PLOD1: variants seen among roughly 807,000 people sequenced by gnomAD.
PLOD1 encodes lysine hydroxylase.
A neutral mutation model predicts 94.7 loss-of-function variants in PLOD1; 70 were observed. The ratio of observed to expected loss-of-function variants is 0.74; its 90% CI spans 0.61 to 0.90. The LOEUF (loss-of-function observed/expected upper bound fraction) is 0.90, where lower values mean the gene tolerates loss of function less well. Among genes scored for constraint, PLOD1 ranks in the 40% least tolerant of loss-of-function variants. PLOD1 has a pLI of 0.00. For missense variants in PLOD1, 905 were observed against 972.7 expected, an observed-to-expected ratio of 0.93 and a Z score of 0.93; for synonymous variants, 417 against 400.2, an observed-to-expected ratio of 1.04 and a Z score of -0.50.
Position 11,974,994 on chromosome 1 carries a change from T to C in PLOD1, c.*186T>C, listed in dbSNP as rs2100769171. The C allele has an allele frequency of 1.5e-6, 1 of 686,818 alleles. No individual in the cohort carries two copies. The highest frequency in any genetic ancestry group is 2.7e-5 in the East Asian group (1 of 36,940). 42.5% of individuals were successfully genotyped at this position (686,818 alleles called of 1,614,324 possible). A position where few individuals can be genotyped will look rare whatever the true frequency, so the allele number is the denominator to read the frequency against. The stretch of plus-strand genomic sequence containing the variant: ...GCAGGCCAGAGGCGGAACACACCTT[T>C]ATGGCTGGGGCTCTCCGTGGTGTTC... On this transcript the variant is annotated 3_prime_UTR_variant, in exon 19 of 19. Coordinates refer to ENST00000196061, the MANE Select transcript of PLOD1 (RefSeq NM_000302.4).
At chr1:11,964,359 C>A in intron 12 of PLOD1, 59 bp downstream of exon 12, 2 of 1,527,072 alleles carry the variant, frequency 1.3e-6, no homozygotes, top group Non-Finnish European at 1.8e-6. Flanking sequence ...TCTGCCTGGG[C>A]TTGTGGGGCT....
chr1:11,963,834 C>T lies in PLOD1; in HGVS notation c.1202+198C>T, dbSNP rs560674733. 3.1e-4 allele frequency among the ~76,000 whole-genome samples: 47 copies of T among 151,892 alleles called. No homozygotes were observed. Among genetic ancestry groups the T allele is most frequent in the African/African-American group, 1.1e-3 (47 of 41,432 alleles). On this transcript the variant is annotated intron_variant, in intron 11 of 18. Coordinates refer to ENST00000196061, the MANE Select transcript of PLOD1 (RefSeq NM_000302.4). The surrounding 1 kb of genome is among the most constrained non-coding windows in gnomAD (Gnocchi z 4.3). ...CCTCTTCCTCCTCTTCCTCCTTTTT[C>T]CTCCTCCTCCTCGTCTTCCTCATCC...
intron 1 of PLOD1, among the ~76,000 whole-genome samples, chr1:11,945,130 G>A (rs1274171609): frequency 1.3e-5 from 2 of 152,212 alleles, no homozygotes; most frequent in Admixed American, 6.5e-5. Flanking sequence ...TTAGAGAAAG[G>A]AGACACAGGC....
chr1:11,944,206 C>T (rs1645633758), intron 1 of PLOD1, among the ~76,000 whole-genome samples: 1 of 151,712 alleles, frequency 6.6e-6, no homozygotes, highest in Non-Finnish European at 1.5e-5. Context: ...GCACTCCAGC[C>T]TGGGTGACAG....
In PLOD1 at chr1:11,957,895, A is replaced by G; in HGVS notation, c.795A>G (p.Thr265=). Residue 265 remains threonine, a synonymous_variant, in exon 8 of 19, where the codon ACA becomes ACG. Transcript: ENST00000196061. The surrounding 1 kb of genome is among the most constrained non-coding windows in gnomAD (Gnocchi z 4.1). ...NYIPRFWTFE[T]GCTVCDEGLR... is the part of the protein sequence containing the mutation. ...TCCCGCGCTTCTGGACCTTCGAAAC[A>G]GGCTGCACCGTGTGTGACGAAGGCT... 6.2e-7 allele frequency: 1 copy of G among 1,614,052 alleles called. No homozygotes were observed. The highest frequency in any genetic ancestry group is 1.1e-5 in the South Asian group (1 of 91,088).
intron 1 of PLOD1, among the ~76,000 whole-genome samples, chr1:11,943,998 G>A (rs1645632267): frequency 6.6e-6 from 1 of 152,152 alleles, no homozygotes. Flanking sequence ...TTGGGAAGCT[G>A]AGGCAGGCAG....
intron 1 of PLOD1, among the ~76,000 whole-genome samples, chr1:11,945,745 G>A (rs1007173125): frequency 6.6e-6 from 1 of 152,030 alleles, no homozygotes; most frequent in Non-Finnish European, 1.5e-5. Flanking sequence ...GTCTTGCTCT[G>A]TCACCCAGGC....
At chr1:11,974,009 G>A (rs1305832080) in intron 18 of PLOD1, among the ~76,000 whole-genome samples, 1 of 152,146 alleles carries the variant, frequency 6.6e-6, no homozygotes, top group Non-Finnish European at 1.5e-5. Flanking sequence ...TAGTGGTGAG[G>A]TTGGGAAGCT....
At chr1:11,948,243 C>T (rs1204257461) in intron 2 of PLOD1, among the ~76,000 whole-genome samples, 176 bp downstream of exon 2, 1 of 152,118 alleles carries the variant, frequency 6.6e-6, no homozygotes, top group Admixed American at 6.6e-5. Context: ...CAGCAGAGGA[C>T]ACAGCATGAG....
intron 16 of PLOD1, among the ~76,000 whole-genome samples, chr1:11,968,525 T>C (rs1645838087): frequency 6.6e-6 from 1 of 151,766 alleles, no homozygotes; most frequent in South Asian, 2.1e-4. Context: ...TTTCTTTTTT[T>C]TTTTTTTGAA....
chr1:11,965,594 G>A lies in PLOD1; in HGVS notation c.1584+1G>A, dbSNP rs746930362. On this transcript the variant is annotated splice_donor_variant, in intron 14 of 18. Transcript: ENST00000196061. LOFTEE classifies it high-confidence loss of function. The stretch of plus-strand genomic sequence containing the variant: ...CTGGGAGGTGTTCAGCAACCCCGAG[G>A]TGAGGCCAGGGTGGGCACATAGGGG... 3.1e-6 allele frequency: 5 copies of A among 1,592,242 alleles called. No individual in the cohort carries two copies. Among genetic ancestry groups the A allele is most frequent in the South Asian group, 2.2e-5 (2 of 90,662 alleles).
chr1:11,954,652 C>G, intron 5 of PLOD1, 178 bp from the exon 6 acceptor site: 1 of 772,594 alleles, frequency 1.3e-6, no homozygotes, highest in Non-Finnish European at 2.4e-6. Context: ...GACTGTAGAC[C>G]CCAGGAGCTT....
Position 11,972,542 on chromosome 1 carries a change from A to G in PLOD1, c.1903-330A>G. The G allele has an allele frequency of 3.0e-6, 1 of 333,404 alleles. No individual in the cohort carries two copies. Among genetic ancestry groups the G allele is most frequent in the Admixed American group, 4.0e-5 (1 of 24,966 alleles). 20.7% of individuals were successfully genotyped at this position (333,404 alleles called of 1,614,324 possible). A position where few individuals can be genotyped will look rare whatever the true frequency, so the allele number is the denominator to read the frequency against. ...TGCTGGAATTACAGGCGTGAGTACC[A>G]TGTCCGGCCTCCTTCCCTTTCATTT... On this transcript the variant is annotated intron_variant, in intron 17 of 18. Coordinates refer to ENST00000196061, the MANE Select transcript of PLOD1 (RefSeq NM_000302.4). The surrounding 1 kb of genome is among the most constrained non-coding windows in gnomAD (Gnocchi z 4.6).
At chr1:11,971,409 G>T (rs934333097) in intron 17 of PLOD1, 5 of 182,106 alleles carry the variant, frequency 2.7e-5, no homozygotes, top group Admixed American at 1.1e-4. Flanking sequence ...ATCTAGTAGC[G>T]TGTGGGAAGA....
At chr1:11,967,592 T>TTTATATATATATATATATATAAA (rs1645827856) in intron 16 of PLOD1, among the ~76,000 whole-genome samples, 1 of 108,838 alleles carries the variant, frequency 9.2e-6, no homozygotes, top group African/African-American at 4.9e-5. Context: ...CATGTGTGTG[T>TTTATATATATATATATATATAAA]GTGTGTATAT....
At chr1:11,943,304 T>C (rs200582340) in intron 1 of PLOD1, among the ~76,000 whole-genome samples, 4 of 105,948 alleles carry the variant, frequency 3.8e-5, no homozygotes, top group South Asian at 2.7e-4. Context: ...TTCTTTCTTT[T>C]TTTTTTTTTG....
chr1:11,967,093 TG>T lies in PLOD1; in HGVS notation c.1755+5del. 6.3e-7 allele frequency: 1 copy of T among 1,592,704 alleles called. No individual in the cohort carries two copies. The highest frequency in any genetic ancestry group is 8.6e-7 in the Non-Finnish European group (1 of 1,160,492). Reference sequence around the variant, plus strand: ...CAGTGGTCTCTGGGCAACAACAAGGTGGGACCCTGATGCCTGGGCTGGGGCC... The same window carrying T: ...CAGTGGTCTCTGGGCAACAACAAGGTGGACCCTGATGCCTGGGCTGGGGCC... On this transcript the variant is annotated splice_donor_region_variant and intron_variant, in intron 16 of 18. Transcript: ENST00000196061.
intron 1 of PLOD1, among the ~76,000 whole-genome samples, chr1:11,947,443 G>A (rs1806948): frequency 0.13 from 20,391 of 151,844 alleles, 2,020 homozygotes; most frequent in African/African-American, 0.28. Flanking sequence ...GGTGGCACCC[G>A]CCTGTAGTCC....
intron 4 of PLOD1, among the ~76,000 whole-genome samples, chr1:11,951,260 T>G (rs1265567303): frequency 6.6e-6 from 1 of 152,018 alleles, no homozygotes; most frequent in African/African-American, 2.4e-5. Context: ...CAGCCAGAGG[T>G]GTCTTTAAAC....
Sources: gnomAD v4.1 joint callset for allele counts (sites outside exome capture counted in the v4.1 genomes callset) on GRCh38, gnomAD v4.1.1 for gene constraint, Gnocchi (gnomAD v3.1) non-coding constraint, MANE v1.5 for transcripts, NCBI Gene and HGNC (gene_info 2026-07-23, HGNC 2026-07-21) for gene names.